The following DNAH6 variants were observed in gnomAD, a reference collection of about 807,000 sequenced individuals.
The protein encoded by DNAH6 is axonemal beta dynein heavy chain 6.
A neutral mutation model predicts 491.4 loss-of-function variants in DNAH6; 340 were observed. That is an observed-to-expected ratio of 0.69 (90% CI 0.63 to 0.76). The LOEUF is 0.76. Ranked by LOEUF, DNAH6 falls within the 30% of genes least tolerant of loss-of-function variation. The pLI, the probability that DNAH6 is intolerant of heterozygous loss-of-function variation, is 0.00. For synonymous variants in DNAH6, 1,603 were observed against 1,686.1 expected (o/e 0.95, Z 1.21); for missense variants, 4,443 against 4,972.2 (o/e 0.89, Z 3.20).
chr2:84,547,564 C>A lies in DNAH6; in HGVS notation c.1138C>A (p.Arg380Ser), dbSNP rs141384152. ...VVRRACRFALRAAGFVPDDCA... is the reference protein window; with the variant it reads ...VVRRACRFALSAAGFVPDDCA... The stretch of plus-strand genomic sequence containing the variant: ...CAGGAGGGCTTGTCGATTTGCTTTG[C>A]GTGCTGCAGGATTTGTTCCTGATGA... The change falls in exon 7 of 77, where the codon CGT (arginine) becomes AGT (serine). Residue 380 changes from arginine to serine, a missense_variant. Around this residue, in one of 3 missense-constraint regions of DNAH6, gnomAD observed 2,977 missense variants for 3,296.6 expected, o/e 0.90. Coordinates refer to ENST00000389394, the MANE Select transcript of DNAH6 (RefSeq NM_001370.2). 1.3e-6 allele frequency: 2 copies of A among 1,551,644 alleles called. No individual in the cohort carries two copies. Among genetic ancestry groups the A allele is most frequent in the East Asian group, 2.4e-5 (1 of 40,918 alleles).
chr2:84,589,760 G>GTC (rs1275742842), intron 16 of DNAH6, among the ~76,000 whole-genome samples: 1 of 148,380 alleles, frequency 6.7e-6, no homozygotes, highest in East Asian at 2.0e-4. Context: ...GCTAATAGAA[G>GTC]TCTCTCAAAA....
At chr2:84,804,116 G>C (rs962173318) in intron 70 of DNAH6, among the ~76,000 whole-genome samples, 1 of 147,378 alleles carries the variant, frequency 6.8e-6, no homozygotes, top group African/African-American at 2.5e-5. Context: ...TGAGGCAGAA[G>C]AATCGCTTGA....
At chr2:84,767,546 A>G (rs1446391843) in intron 64 of DNAH6, among the ~76,000 whole-genome samples, 1 of 152,140 alleles carries the variant, frequency 6.6e-6, no homozygotes, top group Non-Finnish European at 1.5e-5. Context: ...GTATATATAT[A>G]GATACACATA....
the DNAH6 span, among the ~76,000 whole-genome samples, chr2:84,469,983 C>G: frequency 3.3e-5 from 5 of 152,184 alleles, no homozygotes; most frequent in South Asian, 8.3e-4. The surrounding 1 kb of genome is among the most constrained non-coding windows in gnomAD (Gnocchi z 4.0). Context: ...GGCCTCTAAC[C>G]CACTCTGTCT....
In DNAH6 at chr2:84,703,559, T is replaced by C; in HGVS notation, c.8226T>C (p.Asp2742=). ...EKLAVDQESA[D]QVRNTVQEDE... ...TGGCAGTGGATCAAGAAAGTGCCGA[T>C]CAGGTATGCTGCAGTTCCTGAGAAT... is the stretch of plus-strand genomic sequence containing the variant. The change falls in exon 50 of 77, where the codon GAT becomes GAC. Residue 2742 remains aspartate (D), a synonymous_variant. Coordinates refer to ENST00000389394, the MANE Select transcript of DNAH6 (RefSeq NM_001370.2). 1 of 1,550,450 alleles carries C rather than the reference T, an allele frequency of 6.4e-7. No homozygotes were observed.
intron 23 of DNAH6, among the ~76,000 whole-genome samples, chr2:84,617,497 T>G (rs1331352932): frequency 6.6e-6 from 1 of 152,074 alleles, no homozygotes; most frequent in Non-Finnish European, 1.5e-5. Context: ...TATTCATTCT[T>G]CCTATTTTTT....
chr2:84,656,639 T>C (rs1335555452), intron 35 of DNAH6, among the ~76,000 whole-genome samples: 7 of 152,112 alleles, frequency 4.6e-5, no homozygotes, highest in Non-Finnish European at 1.0e-4. Flanking sequence ...GGGTTGTTTG[T>C]TTTCTTATTG....
rs749132790 is a variant in DNAH6 at position 84,733,620 on chromosome 2, A to T, written c.10342+41A>T. 4 of 1,526,034 alleles carry T rather than the reference A, an allele frequency of 2.6e-6. No individual in the cohort carries two copies. In the South Asian group the frequency reaches 5.0e-5, roughly 19 times the overall value. 94.5% of individuals were successfully genotyped at this position (1,526,034 alleles called of 1,614,324 possible). ...GAACCTGCTGAGGAGGCTTATAAAC[A>T]GGCTCTTGAATCCTAATCTTAATGT... On this transcript the variant is annotated intron_variant, in intron 62 of 76. Transcript: ENST00000389394.
chr2:84,577,875 G>A (rs1033049294), intron 13 of DNAH6, among the ~76,000 whole-genome samples: 2 of 152,166 alleles, frequency 1.3e-5, no homozygotes, highest in African/African-American at 4.8e-5. Context: ...TTCCTTTGGA[G>A]CCAGAGTATA....
intron 10 of DNAH6, among the ~76,000 whole-genome samples, chr2:84,555,333 C>T (rs935536861): frequency 6.6e-6 from 1 of 152,134 alleles, no homozygotes; most frequent in Non-Finnish European, 1.5e-5. Flanking sequence ...CTGTTTACTG[C>T]TTCTGCCTCT....
At position 84,529,005 on chromosome 2, in the gene DNAH6, CCCTAAGTACA is replaced by C. The variant is rs1318896324; in HGVS notation, c.503_512del (p.Pro168LeufsTer22). ...TCTTTGGGACTAGATCTTCAGCTTA[CCCTAAGTACA>C]CTTTTCACGACCGAGAAGAAGTTGT... is the stretch of plus-strand genomic sequence containing the variant. On this transcript the variant is annotated frameshift_variant, in exon 4 of 77. Coordinates refer to ENST00000389394, the MANE Select transcript of DNAH6 (RefSeq NM_001370.2). LOFTEE classifies it high-confidence loss of function. 6 of 1,551,180 alleles carry C rather than the reference CCCTAAGTACA, an allele frequency of 3.9e-6. No homozygotes were observed. The South Asian group carries it at 7.1e-5, about 18-fold the overall frequency.
At chr2:84,618,792 G>A (rs1687122927) in intron 23 of DNAH6, among the ~76,000 whole-genome samples, 1 of 152,028 alleles carries the variant, frequency 6.6e-6, no homozygotes, top group African/African-American at 2.4e-5. Flanking sequence ...GAATATTTTT[G>A]GTTATCTAGA....
chr2:84,585,294 T>C (rs142017805), intron 15 of DNAH6, among the ~76,000 whole-genome samples: 1 of 152,304 alleles, frequency 6.6e-6, no homozygotes, highest in African/African-American at 2.4e-5. Context: ...TAATTACTCA[T>C]CCTTTTGTTA....
At chr2:84,669,973 C>T (rs1692563388) in intron 38 of DNAH6, among the ~76,000 whole-genome samples, 1 of 152,132 alleles carries the variant, frequency 6.6e-6, no homozygotes, top group African/African-American at 2.4e-5. Context: ...ATTTGGGCTT[C>T]TTGGTTTTGG....
chr2:84,491,823 T>C, the DNAH6 span, among the ~76,000 whole-genome samples: 1 of 152,208 alleles, frequency 6.6e-6, no homozygotes, highest in Non-Finnish European at 1.5e-5. Flanking sequence ...TGTCTGCCTA[T>C]TTTTAAGACA....
intron 21 of DNAH6, among the ~76,000 whole-genome samples, chr2:84,611,362 AGATTTCCTTGAGTAGGCATCGTGCT>A (rs1686311410): frequency 2.0e-5 from 3 of 152,116 alleles, no homozygotes; most frequent in Non-Finnish European, 4.4e-5. Context: ...TCTTCCCTTC[AGATTTCCTTGAGTAGGCATCGTGCT>A]GCCCCCTGAA....
intron 29 of DNAH6, among the ~76,000 whole-genome samples, chr2:84,628,197 G>A (rs1688060108): frequency 1.3e-5 from 2 of 152,324 alleles, no homozygotes; most frequent in African/African-American, 4.8e-5. Flanking sequence ...TTGAGAGCTA[G>A]ATGTGGTAAG....
chr2:84,622,392 C>T (rs1262288855), intron 26 of DNAH6, among the ~76,000 whole-genome samples: 8 of 151,912 alleles, frequency 5.3e-5, no homozygotes, highest in Non-Finnish European at 2.9e-5. Flanking sequence ...TGCAGGGATG[C>T]GATCATAGCA....
intron 65 of DNAH6, among the ~76,000 whole-genome samples, chr2:84,783,345 A>C (rs1197086316): frequency 6.6e-6 from 1 of 152,214 alleles, no homozygotes; most frequent in African/African-American, 2.4e-5. Flanking sequence ...AAATTCTATG[A>C]TGTCTATGAA....
Sources: gnomAD v4.1 joint callset for allele counts (sites outside exome capture counted in the v4.1 genomes callset) on GRCh38, gnomAD v4.1.1 for gene constraint, gnomAD v4.1.1 regional missense constraint, Gnocchi (gnomAD v3.1) non-coding constraint, MANE v1.5 for transcripts, NCBI Gene and HGNC (gene_info 2026-07-23, HGNC 2026-07-21) for gene names.